PTPRD: variants seen among roughly 807,000 people sequenced by gnomAD.
PTPRD encodes protein tyrosine phosphatase receptor type D.
A neutral mutation model predicts 214.5 loss-of-function variants in PTPRD; 34 were observed. The ratio of observed to expected loss-of-function variants is 0.16; its 90% CI spans 0.12 to 0.21. The LOEUF (loss-of-function observed/expected upper bound fraction) is 0.21. Ranked by LOEUF, PTPRD falls within the 10% of genes least tolerant of loss-of-function variation. PTPRD has a pLI of 1.00. For missense variants in PTPRD, 2,545 were observed against 2,398.7 expected (o/e 1.06, Z -1.27); for synonymous variants, 1,128 against 845.7 (o/e 1.33, Z -5.79).
At chr9:9,861,101 C>G (rs1052856465) in intron 5 of PTPRD, among the ~76,000 whole-genome samples, 1 of 152,018 alleles carries the variant, frequency 6.6e-6, no homozygotes, top group African/African-American at 2.4e-5. Flanking sequence ...TTGGCTTTTG[C>G]TATTCTACAC....
intron 11 of PTPRD, among the ~76,000 whole-genome samples, chr9:8,976,306 G>C (rs1438191026): frequency 6.6e-6 from 1 of 152,022 alleles, no homozygotes. Context: ...AGAAATGTTT[G>C]TGGAATAAGT....
At chr9:9,206,466 T>A (rs1361213842) in intron 9 of PTPRD, among the ~76,000 whole-genome samples, 2 of 152,156 alleles carry the variant, frequency 1.3e-5, no homozygotes, top group African/African-American at 4.8e-5. Context: ...TCAACTTGAT[T>A]GGACTGAAGG....
chr9:8,574,997 G>A (rs971206311), intron 14 of PTPRD, among the ~76,000 whole-genome samples: 1 of 151,916 alleles, frequency 6.6e-6, no homozygotes, highest in African/African-American at 2.4e-5. Flanking sequence ...GGCAATAAAG[G>A]CACAAGATAA....
chr9:10,352,249 A>C (rs1401786937), intron 2 of PTPRD, among the ~76,000 whole-genome samples: 1 of 152,096 alleles, frequency 6.6e-6, no homozygotes, highest in Non-Finnish European at 1.5e-5. Context: ...ATCCTGTTTT[A>C]ATATCAATGG....
chr9:9,233,237 G>T (rs2099964274), intron 9 of PTPRD, among the ~76,000 whole-genome samples: 1 of 152,136 alleles, frequency 6.6e-6, no homozygotes, highest in Admixed American at 6.5e-5. Flanking sequence ...GGTGGCAGGG[G>T]AGAGAATGAG....
chr9:10,082,069 T>C (rs1230508477), intron 3 of PTPRD, among the ~76,000 whole-genome samples: 1 of 152,082 alleles, frequency 6.6e-6, no homozygotes, highest in Non-Finnish European at 1.5e-5. Context: ...TGTAGGTGAC[T>C]TGGTTTGGAA....
chr9:10,189,887 C>T (rs889936604), intron 3 of PTPRD, among the ~76,000 whole-genome samples: 2 of 151,866 alleles, frequency 1.3e-5, no homozygotes, highest in Admixed American at 6.6e-5. Context: ...AAAGGTACAG[C>T]AGGGTATGCA....
intron 3 of PTPRD, among the ~76,000 whole-genome samples, chr9:10,087,141 T>A (rs942313528): frequency 1.3e-5 from 2 of 151,364 alleles, no homozygotes; most frequent in Non-Finnish European, 3.0e-5. Flanking sequence ...TTTAGAGTTT[T>A]TTTTTTTTTA....
rs79943719 is a variant in PTPRD at position 9,732,119 on chromosome 9, T to C, written c.-287+2414A>G. ...TTGGCCTTGAGGAATGAATAGGAAA[T>C]GGGGATACGAGCAGACACACTGATC... is the stretch of plus-strand genomic sequence containing the variant. On this transcript the variant is annotated intron_variant, in intron 7 of 45. Coordinates refer to ENST00000381196, the MANE Select transcript of PTPRD (RefSeq NM_002839.4). Among the ~76,000 whole-genome samples the C allele has an allele frequency of 9.2e-3, 1,403 of 151,958 alleles. 20 individuals are homozygous for C. Among genetic ancestry groups the C allele is most frequent in the African/African-American group, 0.031 (1,285 of 41,462 alleles).
At chr9:8,632,660 G>A (rs1043858321) in intron 14 of PTPRD, among the ~76,000 whole-genome samples, 4 of 151,910 alleles carry the variant, frequency 2.6e-5, no homozygotes, top group Non-Finnish European at 5.9e-5. Context: ...TCATTGTAAA[G>A]GAAGTCTACA....
intron 7 of PTPRD, among the ~76,000 whole-genome samples, chr9:9,601,147 GTGT>G (rs1287104979): frequency 0.017 from 1,799 of 105,744 alleles, 60 homozygotes; most frequent in African/African-American, 0.077. Context: ...GTGTGTGTGT[GTGT>G]ATGGGGGGGG....
intron 10 of PTPRD, among the ~76,000 whole-genome samples, chr9:9,094,527 A>G (rs2099780760): frequency 1.3e-5 from 2 of 152,076 alleles, no homozygotes; most frequent in African/African-American, 2.4e-5. Context: ...GGTTGGGGGA[A>G]AGTTGGGAGG....
chr9:10,525,759 T>TGTGTGTGTGTGTGTGTGTGTGTGTG (rs1555475990), intron 2 of PTPRD, among the ~76,000 whole-genome samples: 1 of 151,844 alleles, frequency 6.6e-6, no homozygotes, highest in African/African-American at 2.4e-5. Context: ...TGTGTGTGTA[T>TGTGTGTGTGTGTGTGTGTGTGTGTG]TTTCCCTGAA....
intron 10 of PTPRD, among the ~76,000 whole-genome samples, chr9:9,121,004 ATAT>A (rs1228394001): frequency 6.6e-6 from 1 of 152,152 alleles, no homozygotes; most frequent in East Asian, 1.9e-4. Flanking sequence ...TGTAATGAAG[ATAT>A]TATTATTATC....
At chr9:10,486,259 G>C (rs886677224) in intron 2 of PTPRD, among the ~76,000 whole-genome samples, 1 of 152,042 alleles carries the variant, frequency 6.6e-6, no homozygotes, top group Non-Finnish European at 1.5e-5. Context: ...CTTTGCCCAC[G>C]CCTATGTCCT....
intron 3 of PTPRD, among the ~76,000 whole-genome samples, chr9:10,247,287 C>A (rs549908271): frequency 5.7e-4 from 87 of 152,108 alleles, no homozygotes; most frequent in African/African-American, 2.0e-3. Flanking sequence ...TGAACTTAAT[C>A]AAAAATGATT....
intron 3 of PTPRD, among the ~76,000 whole-genome samples, chr9:10,155,270 T>G (rs1190072744): frequency 6.6e-6 from 1 of 152,146 alleles, no homozygotes; most frequent in Non-Finnish European, 1.5e-5. Context: ...CATATTGGAA[T>G]GCTGGTGATT....
chr9:10,046,711 C>T (rs2097404069), intron 3 of PTPRD, among the ~76,000 whole-genome samples: 1 of 151,884 alleles, frequency 6.6e-6, no homozygotes, highest in African/African-American at 2.4e-5. Flanking sequence ...TGGATGATTG[C>T]ACTCAGAGAG....
chr9:9,072,210 C>A (rs1327953864), intron 10 of PTPRD, among the ~76,000 whole-genome samples: 1 of 150,864 alleles, frequency 6.6e-6, no homozygotes, highest in South Asian at 2.1e-4. Context: ...AAATATAATA[C>A]CAAAAAGCTT....
Sources: gnomAD v4.1 joint callset for allele counts (sites outside exome capture counted in the v4.1 genomes callset) on GRCh38, gnomAD v4.1.1 for gene constraint, MANE v1.5 for transcripts, NCBI Gene and HGNC (gene_info 2026-07-23, HGNC 2026-07-21) for gene names.